PDE10A: variants seen among roughly 807,000 people sequenced by gnomAD.
PDE10A encodes the protein phosphodiesterase 10A, also known as cAMP and cAMP-inhibited cGMP 3',5'-cyclic phosphodiesterase 10A.
PDE10A carries 39 observed loss-of-function variants against 97.7 expected under a neutral mutation model. That is an observed-to-expected ratio of 0.40 (90% confidence interval 0.31 to 0.52). The LOEUF (loss-of-function observed/expected upper bound fraction) is 0.52, where lower values mean the gene tolerates loss of function less well. Ranked by LOEUF, PDE10A falls within the 20% of genes least tolerant of loss-of-function variation. The pLI, the probability that PDE10A is intolerant of heterozygous loss-of-function variation, is 0.56. For synonymous variants in PDE10A, 371 were observed against 376.8 expected (o/e 0.98, Z 0.18); for missense variants, 731 against 1,047.8 (o/e 0.70, Z 4.17).
chr6:165,790,317 G>T (rs542915414), intron 1 of PDE10A, among the ~76,000 whole-genome samples: 2 of 152,186 alleles, frequency 1.3e-5, no homozygotes, highest in South Asian at 4.1e-4. Flanking sequence ...AAAGAGAGGA[G>T]GTAGAAAGGA....
At chr6:165,939,070 T>A (rs1783429745) in intron 1 of PDE10A, among the ~76,000 whole-genome samples, 1 of 152,234 alleles carries the variant, frequency 6.6e-6, no homozygotes, top group South Asian at 2.1e-4. Context: ...AAAGAATTAA[T>A]TAGAATATAC....
chr6:165,484,735 G>A (rs1779803385), intron 2 of PDE10A, among the ~76,000 whole-genome samples: 1 of 152,216 alleles, frequency 6.6e-6, no homozygotes, highest in African/African-American at 2.4e-5. Flanking sequence ...CAAGTGAGCT[G>A]AGTGCTTCAA....
chr6:165,606,058 T>C (rs1266221178), intron 1 of PDE10A, among the ~76,000 whole-genome samples: 1 of 151,876 alleles, frequency 6.6e-6, no homozygotes, highest in East Asian at 1.9e-4. Flanking sequence ...GTGGGGATGT[T>C]TGTTGAGTAA....
intron 2 of PDE10A, among the ~76,000 whole-genome samples, chr6:165,490,392 T>A (rs748656975): frequency 6.6e-6 from 1 of 152,084 alleles, no homozygotes; most frequent in Non-Finnish European, 1.5e-5. Context: ...GACAAACAAA[T>A]GCCAAGAGAA....
chr6:165,872,063 A>C (rs1165598027), intron 1 of PDE10A, among the ~76,000 whole-genome samples: 1 of 152,058 alleles, frequency 6.6e-6, no homozygotes, highest in East Asian at 1.9e-4. Flanking sequence ...GTTCAATTGG[A>C]TGCATTTTTG....
chr6:165,658,918 G>T (rs3008059), intron 1 of PDE10A, among the ~76,000 whole-genome samples: 1 of 152,166 alleles, frequency 6.6e-6, no homozygotes, highest in African/African-American at 2.4e-5. Flanking sequence ...AACTTCAAAC[G>T]TGCTTCTAGG....
chr6:165,774,077 C>A (rs1366041896), intron 1 of PDE10A, among the ~76,000 whole-genome samples: 1 of 152,004 alleles, frequency 6.6e-6, no homozygotes, highest in African/African-American at 2.4e-5. Flanking sequence ...CTTTAAGAAG[C>A]CCCAGTGATT....
intron 1 of PDE10A, among the ~76,000 whole-genome samples, chr6:165,620,845 AC>A (rs1326517723): frequency 1.3e-5 from 2 of 152,012 alleles, no homozygotes; most frequent in Non-Finnish European, 2.9e-5. Context: ...ACATGGTGAA[AC>A]CCCGTCTCTA....
chr6:165,466,645 G>A (rs1458276935), intron 3 of PDE10A, among the ~76,000 whole-genome samples: 1 of 151,858 alleles, frequency 6.6e-6, no homozygotes. Context: ...CATTATTATT[G>A]TACCTGTTAA....
rs373869952 is a variant in PDE10A at position 165,745,497 on chromosome 6, A to G, written c.-614-201929T>C. 3.4e-4 allele frequency among the ~76,000 whole-genome samples: 52 copies of G among 152,324 alleles called. No homozygotes were observed. In the South Asian group the frequency reaches 9.5e-3, roughly 28 times the overall value. ...ATGAATTAAAAATAATATCTTTACC[A>G]TCGACTTAACTGAAAAAAGCTAAAT... On this transcript the variant is annotated intron_variant, in intron 1 of 19. Coordinates refer to the PDE10A transcript ENST00000366882.
intron 1 of PDE10A, among the ~76,000 whole-genome samples, chr6:165,942,089 C>T (rs947045867): frequency 6.6e-6 from 1 of 152,140 alleles, no homozygotes; most frequent in Admixed American, 6.5e-5. Context: ...TGGCAAGCAA[C>T]TTCAAAACGT....
At chr6:165,886,771 A>C (rs1781642520) in intron 1 of PDE10A, among the ~76,000 whole-genome samples, 1 of 152,190 alleles carries the variant, frequency 6.6e-6, no homozygotes, top group Admixed American at 6.5e-5. Flanking sequence ...TTTGAAAAAA[A>C]TCAAATGAAG....
chr6:165,474,650 C>T (rs1011369971), intron 3 of PDE10A, among the ~76,000 whole-genome samples: 3 of 152,044 alleles, frequency 2.0e-5, no homozygotes, highest in South Asian at 4.1e-4. Flanking sequence ...CATGCACCCT[C>T]GGTCCTAAAA....
intron 1 of PDE10A, among the ~76,000 whole-genome samples, chr6:165,553,403 C>A (rs1784109336): frequency 6.6e-6 from 1 of 152,088 alleles, no homozygotes; most frequent in Non-Finnish European, 1.5e-5. Context: ...AGTACTGATA[C>A]CATTTTTAAC....
chr6:165,921,856 A>G (rs1782761897), intron 1 of PDE10A, among the ~76,000 whole-genome samples: 3 of 152,136 alleles, frequency 2.0e-5, no homozygotes, highest in Non-Finnish European at 4.4e-5. Flanking sequence ...AGAGACAGGG[A>G]GCACTGATGA....
At chr6:165,746,713 C>G (rs1562715903) in intron 1 of PDE10A, among the ~76,000 whole-genome samples, 1 of 152,212 alleles carries the variant, frequency 6.6e-6, no homozygotes, top group Non-Finnish European at 1.5e-5. Context: ...ACCAGGCTGA[C>G]TCCTGGGTCA....
intron 1 of PDE10A, among the ~76,000 whole-genome samples, chr6:165,911,337 G>T (rs1782447906): frequency 6.6e-6 from 1 of 152,070 alleles, no homozygotes; most frequent in African/African-American, 2.4e-5. Flanking sequence ...TCCTAAAATG[G>T]CAAAGACGTT....
At chr6:165,399,750 T>G (rs1786485988) in intron 13 of PDE10A, among the ~76,000 whole-genome samples, 1 of 152,210 alleles carries the variant, frequency 6.6e-6, no homozygotes, top group Non-Finnish European at 1.5e-5. Context: ...ACAAAGGACA[T>G]GAACTCATCA....
intron 1 of PDE10A, among the ~76,000 whole-genome samples, chr6:165,554,030 T>G (rs1387589544): frequency 2.6e-5 from 4 of 152,148 alleles, no homozygotes; most frequent in East Asian, 1.9e-4. Flanking sequence ...AGATCTACAG[T>G]AACTCGGTGG....
Sources: allele counts gnomAD v4.1 joint callset (sites outside exome capture counted in the v4.1 genomes callset), GRCh38; gene constraint gnomAD v4.1.1; transcripts MANE v1.5; gene names NCBI Gene and HGNC (gene_info 2026-07-23, HGNC 2026-07-21).